The following DOCK9 variants were observed in gnomAD, a reference collection of about 807,000 sequenced individuals.
DOCK9 encodes dedicator of cytokinesis 9, also known as dedicator of cytokinesis protein 9.
Under a neutral mutation model 263.3 loss-of-function variants are expected in DOCK9, and 89 were observed. The ratio of observed to expected loss-of-function variants is 0.34; its 90% CI spans 0.28 to 0.40. The LOEUF is 0.40. Among genes scored for constraint, DOCK9 ranks in the 10% least tolerant of loss-of-function variants. DOCK9 has a pLI of 1.00. For missense variants in DOCK9, 2,140 were observed against 2,603.4 expected, an observed-to-expected ratio of 0.82 and a Z score of 3.87; for synonymous variants, 976 against 973.1, an observed-to-expected ratio of 1.00 and a Z score of -0.06.
chr13:98,828,671 C>T (rs143639711), intron 43 of DOCK9, among the ~76,000 whole-genome samples: 5 of 152,306 alleles, frequency 3.3e-5, no homozygotes, highest in East Asian at 1.9e-4. Context: ...TTCTCCTAGG[C>T]GCACAGACTG....
rs150197290 is a variant in DOCK9 at position 99,010,480 on chromosome 13, G to T, written c.130-54929C>A. On this transcript the variant is annotated intron_variant, in intron 1 of 32. Coordinates refer to the DOCK9 transcript ENST00000427887. ...CAGGCAGTACCTGCGTGTCCCATGT[G>T]TCAGCGTCCCCATCATTTTTGTACA... is the stretch of plus-strand genomic sequence containing the variant. 3.0e-3 allele frequency among the ~76,000 whole-genome samples: 456 copies of T among 152,314 alleles called. 1 individual carries two copies. The highest frequency in any genetic ancestry group is 0.01 in the African/African-American group (435 of 41,562).
chr13:98,819,078 T>C (rs1490555228), intron 45 of DOCK9, among the ~76,000 whole-genome samples: 3 of 152,154 alleles, frequency 2.0e-5, no homozygotes, highest in Non-Finnish European at 2.9e-5. Flanking sequence ...TTCTACTATA[T>C]CATCATTTCC....
chr13:99,018,807 G>T (rs979454560), intron 1 of DOCK9, among the ~76,000 whole-genome samples: 15 of 152,264 alleles, frequency 9.9e-5, no homozygotes, highest in African/African-American at 3.6e-4. Context: ...ACCTAAAAGA[G>T]TATATATTTC....
chr13:98,906,314 A>G (rs938938400), intron 9 of DOCK9, among the ~76,000 whole-genome samples: 2 of 152,180 alleles, frequency 1.3e-5, no homozygotes, highest in African/African-American at 4.8e-5. Context: ...AAGAGAGGCC[A>G]CGGAAGAAAA....
chr13:98,979,359 G>A (rs528686702), upstream of DOCK9, among the ~76,000 whole-genome samples: 74 of 152,202 alleles, frequency 4.9e-4, no homozygotes, highest in African/African-American at 1.7e-3. Context: ...ACAAGTCACA[G>A]GTAAAAGTCT....
At chr13:98,965,775 A>G (rs1248782065) in intron 1 of DOCK9, among the ~76,000 whole-genome samples, 1 of 152,232 alleles carries the variant, frequency 6.6e-6, no homozygotes, top group Non-Finnish European at 1.5e-5. Flanking sequence ...ATTTGGAAGA[A>G]TGCATAAGAA....
rs751271435 is a variant in DOCK9, at chr13:98,863,149, C to T, written c.3466-17G>A. 5 of 1,588,638 alleles carry T rather than the reference C, an allele frequency of 3.1e-6. No homozygotes were observed. The South Asian group carries it at 5.7e-5, about 18-fold the overall frequency. On this transcript the variant is annotated splice_polypyrimidine_tract_variant and intron_variant, in intron 31 of 52. Transcript: ENST00000682017. Reference sequence around the variant, plus strand: ...CTGATGGCTCTGAAAAGAAGACACACATGGTAAGTTTGACCCAGGATTCTG... The same window carrying T: ...CTGATGGCTCTGAAAAGAAGACACATATGGTAAGTTTGACCCAGGATTCTG...
intron 1 of DOCK9, among the ~76,000 whole-genome samples, chr13:99,074,290 TTC>T (rs1348787085): frequency 2.0e-5 from 3 of 152,364 alleles, no homozygotes; most frequent in African/African-American, 4.8e-5. Context: ...ATGTCATGAC[TTC>T]TCTCTGTTTC....
At chr13:98,798,775 C>G (rs2089758536) in intron 50 of DOCK9, among the ~76,000 whole-genome samples, 1 of 152,180 alleles carries the variant, frequency 6.6e-6, no homozygotes, top group Non-Finnish European at 1.5e-5. Flanking sequence ...TTTGTTGTTA[C>G]TTTGGTAGGT....
At chr13:98,928,017 AAAC>A (rs1555407874) in intron 3 of DOCK9, among the ~76,000 whole-genome samples, 1 of 102,820 alleles carries the variant, frequency 9.7e-6, no homozygotes, top group Non-Finnish European at 2.3e-5. Context: ...AAAAAAAAAA[AAAC>A]AAAAAAAAAC....
At position 98,919,252 on chromosome 13, in the gene DOCK9, C is replaced by T. The variant is rs1176296156; in HGVS notation, c.717+1702G>A. On this transcript the variant is annotated intron_variant, in intron 7 of 52. Coordinates refer to ENST00000682017, the MANE Select transcript of DOCK9 (RefSeq NM_001366683.2). Reference sequence around the variant, plus strand: ...AGCTTCCCAAGTAGCTGGGATTACACGCACCCACCACCACGCCTGGCTAAT... The same window carrying T: ...AGCTTCCCAAGTAGCTGGGATTACATGCACCCACCACCACGCCTGGCTAAT... Among the ~76,000 whole-genome samples, 6 of 152,070 alleles carry T rather than the reference C, an allele frequency of 3.9e-5. No homozygotes were observed. In the East Asian group the frequency reaches 5.8e-4, roughly 15 times the overall value.
intron 9 of DOCK9, among the ~76,000 whole-genome samples, chr13:98,906,784 T>C (rs1351529169): frequency 6.6e-6 from 1 of 152,214 alleles, no homozygotes; most frequent in Non-Finnish European, 1.5e-5. Flanking sequence ...TCTATGTTTA[T>C]ATAAAATGGG....
chr13:98,809,307 TTTTA>T, intron 47 of DOCK9, 41 bp downstream of exon 47: 1 of 1,512,762 alleles, frequency 6.6e-7, no homozygotes, highest in Non-Finnish European at 9.0e-7. Flanking sequence ...TTTTGTTTTT[TTTTA>T]AAGGACTTAG....
At chr13:98,995,036 T>C (rs367983594) in intron 1 of DOCK9, among the ~76,000 whole-genome samples, 1 of 152,190 alleles carries the variant, frequency 6.6e-6, no homozygotes, top group South Asian at 2.1e-4. Flanking sequence ...TCTAAAGAAA[T>C]GTACGCATGG....
chr13:98,826,968 A>C (rs2092568004), intron 43 of DOCK9, 81 bp from the exon 44 acceptor site: 4 of 1,078,218 alleles, frequency 3.7e-6, no homozygotes, highest in African/African-American at 1.6e-5. Flanking sequence ...AAATCTAATC[A>C]ATGTATGAAC....
chr13:98,834,129 T>C (rs2092890879), intron 39 of DOCK9, among the ~76,000 whole-genome samples: 2 of 152,226 alleles, frequency 1.3e-5, no homozygotes, highest in South Asian at 2.1e-4. Flanking sequence ...GGTTTGACCA[T>C]TGTAACATGG....
intron 41 of DOCK9, among the ~76,000 whole-genome samples, chr13:98,830,184 C>G (rs1001067110): frequency 6.6e-6 from 1 of 152,210 alleles, no homozygotes; most frequent in Non-Finnish European, 1.5e-5. Context: ...GATAGATTAA[C>G]TATGCCACAG....
chr13:99,002,671 C>G (rs1421875888), intron 1 of DOCK9, among the ~76,000 whole-genome samples: 1 of 152,212 alleles, frequency 6.6e-6, no homozygotes, highest in Non-Finnish European at 1.5e-5. Flanking sequence ...TTTTCTCACT[C>G]TTCCACTGTC....
At chr13:99,037,100 T>C (rs1485445210) in intron 1 of DOCK9, among the ~76,000 whole-genome samples, 2 of 152,236 alleles carry the variant, frequency 1.3e-5, no homozygotes, top group East Asian at 1.9e-4. Context: ...CATTGATCTC[T>C]ACTCTTAAAA....
Sources: gnomAD v4.1 joint callset for allele counts (sites outside exome capture counted in the v4.1 genomes callset) on GRCh38, gnomAD v4.1.1 for gene constraint, MANE v1.5 for transcripts, NCBI Gene and HGNC (gene_info 2026-07-23, HGNC 2026-07-21) for gene names.